SLC14A2: variants seen among roughly 807,000 people sequenced by gnomAD.
SLC14A2 encodes urea transporter 2.
A neutral mutation model predicts 104.6 loss-of-function variants in SLC14A2; 91 were observed. The ratio of observed to expected loss-of-function variants is 0.87; its 90% CI spans 0.73 to 1.04. The LOEUF (loss-of-function observed/expected upper bound fraction) is 1.04. Ranked by LOEUF, SLC14A2 falls within the 50% of genes least tolerant of loss-of-function variation. SLC14A2 has a pLI of 0.00. For missense variants in SLC14A2, 1,189 were observed against 1,156.0 expected, an observed-to-expected ratio of 1.03 and a Z score of -0.41; for synonymous variants, 476 against 466.4, an observed-to-expected ratio of 1.02 and a Z score of -0.27.
At chr18:45,334,561 A>G (rs147264481) in intron 1 of SLC14A2, among the ~76,000 whole-genome samples, 1 of 152,226 alleles carries the variant, frequency 6.6e-6, no homozygotes, top group African/African-American at 2.4e-5. Flanking sequence ...CTGTGGGTCC[A>G]TCTTGGTCTG....
chr18:45,403,988 A>G (rs568383386), intron 1 of SLC14A2, among the ~76,000 whole-genome samples: 1 of 152,308 alleles, frequency 6.6e-6, no homozygotes, highest in Admixed American at 6.5e-5. Flanking sequence ...CAGCTTTCAG[A>G]ATACCTAAAG....
intron 1 of SLC14A2, among the ~76,000 whole-genome samples, chr18:45,260,626 G>A (rs1306925808): frequency 6.6e-6 from 1 of 152,146 alleles, no homozygotes; most frequent in African/African-American, 2.4e-5. Context: ...ATACTACTCA[G>A]CCATAAAAAA....
intron 2 of SLC14A2, among the ~76,000 whole-genome samples, chr18:45,522,018 C>T (rs1407294781): frequency 6.6e-6 from 1 of 152,176 alleles, no homozygotes; most frequent in Non-Finnish European, 1.5e-5. Flanking sequence ...AGTCAGCAGA[C>T]TCATGTTCTA....
At chr18:45,274,096 T>C (rs2084677741) in intron 1 of SLC14A2, among the ~76,000 whole-genome samples, 1 of 152,158 alleles carries the variant, frequency 6.6e-6, no homozygotes, top group Non-Finnish European at 1.5e-5. Context: ...ATCCCTTGTA[T>C]TGGTGATAGC....
chr18:45,386,730 T>C (rs2085901239), intron 1 of SLC14A2, among the ~76,000 whole-genome samples: 1 of 152,226 alleles, frequency 6.6e-6, no homozygotes, highest in African/African-American at 2.4e-5. Flanking sequence ...TTTGAGCCTC[T>C]GCAGTAGTGC....
intron 1 of SLC14A2, among the ~76,000 whole-genome samples, chr18:45,269,811 A>G (rs2084631986): frequency 6.6e-6 from 1 of 152,182 alleles, no homozygotes; most frequent in Non-Finnish European, 1.5e-5. Context: ...TTTGAGTCCA[A>G]CTGTATGAAA....
intron 18 of SLC14A2, 107 bp downstream of exon 18, chr18:45,673,924 T>C (rs900968096): frequency 1.1e-5 from 12 of 1,129,614 alleles, no homozygotes; most frequent in Middle Eastern, 2.1e-4. Context: ...GATTAAACAC[T>C]ATTTTCACTG....
intron 1 of SLC14A2, among the ~76,000 whole-genome samples, chr18:45,346,272 C>T (rs536383141): frequency 3.9e-5 from 6 of 152,338 alleles, no homozygotes; most frequent in African/African-American, 7.2e-5. Context: ...TCTCCCACCT[C>T]AGCCTCCTGA....
At chr18:45,299,571 C>T (rs2084948654) in intron 1 of SLC14A2, among the ~76,000 whole-genome samples, 1 of 152,196 alleles carries the variant, frequency 6.6e-6, no homozygotes, top group Admixed American at 6.5e-5. Context: ...AAGTGATTCT[C>T]CTGCCTCAGT....
chr18:45,260,107 T>A (rs1406334441), intron 1 of SLC14A2, among the ~76,000 whole-genome samples: 2 of 152,194 alleles, frequency 1.3e-5, no homozygotes, highest in Non-Finnish European at 2.9e-5. Context: ...TATACACAGA[T>A]GACAAGTTAG....
intron 1 of SLC14A2, among the ~76,000 whole-genome samples, chr18:45,374,882 T>C (rs2085757823): frequency 6.6e-6 from 1 of 152,176 alleles, no homozygotes; most frequent in Non-Finnish European, 1.5e-5. Flanking sequence ...AGGTGGCCAT[T>C]TGTGAGTTAA....
intron 5 of SLC14A2, chr18:45,635,020 G>A (rs1000148181): frequency 6.2e-6 from 2 of 320,606 alleles, no homozygotes; most frequent in Admixed American, 4.4e-5. Flanking sequence ...GGAGGTTGTG[G>A]AAAACCAAGG....
chr18:45,176,206 A>G, the SLC14A2 span, among the ~76,000 whole-genome samples: 1 of 152,204 alleles, frequency 6.6e-6, no homozygotes, highest in Non-Finnish European at 1.5e-5. Flanking sequence ...ATCAGCAGGA[A>G]TACTTTGCAA....
chr18:45,457,066 A>C (rs1461771350), intron 1 of SLC14A2, among the ~76,000 whole-genome samples: 1 of 152,094 alleles, frequency 6.6e-6, no homozygotes, highest in Non-Finnish European at 1.5e-5. Flanking sequence ...CAGCAATACA[A>C]ATTAAAAAAA....
chr18:45,592,562 G>C (rs896410159), intron 2 of SLC14A2, among the ~76,000 whole-genome samples: 1 of 152,186 alleles, frequency 6.6e-6, no homozygotes, highest in African/African-American at 2.4e-5. Flanking sequence ...AGAAGGCAGT[G>C]GTCTAGTCCC....
intron 1 of SLC14A2, among the ~76,000 whole-genome samples, chr18:45,409,918 A>G (rs2086196552): frequency 1.3e-5 from 2 of 152,194 alleles, no homozygotes; most frequent in Admixed American, 1.3e-4. Context: ...TGTGATATAT[A>G]TTGAAATAAT....
intron 1 of SLC14A2, among the ~76,000 whole-genome samples, chr18:45,327,154 G>C (rs1222135869): frequency 6.6e-6 from 1 of 152,066 alleles, no homozygotes; most frequent in Non-Finnish European, 1.5e-5. Flanking sequence ...AACCCAAGAT[G>C]TTCCTGATTT....
At chr18:45,264,635 T>A (rs935832465) in intron 1 of SLC14A2, among the ~76,000 whole-genome samples, 1 of 152,112 alleles carries the variant, frequency 6.6e-6, no homozygotes, top group Admixed American at 6.6e-5. Flanking sequence ...GGGACAGGCC[T>A]GGGAGAATGA....
At chr18:45,605,008 A>G (rs2044845476) in intron 2 of SLC14A2, among the ~76,000 whole-genome samples, 1 of 152,126 alleles carries the variant, frequency 6.6e-6, no homozygotes, top group Non-Finnish European at 1.5e-5. Context: ...AATTTTGTGT[A>G]CATCCTTCTG....
Sources: allele counts gnomAD v4.1 joint callset (sites outside exome capture counted in the v4.1 genomes callset), GRCh38; gene constraint gnomAD v4.1.1; transcripts MANE v1.5; gene names NCBI Gene and HGNC (gene_info 2026-07-23, HGNC 2026-07-21).